Variants in SHTN1 observed in about 807,000 individuals in gnomAD.
The protein encoded by SHTN1 is shootin-1.
A neutral mutation model predicts 83.1 loss-of-function variants in SHTN1; 42 were observed. The observed-to-expected ratio is 0.51, with a 90% CI of 0.39 to 0.65. SHTN1 has a LOEUF of 0.65. SHTN1 is among the 30% of genes least tolerant of loss of function. SHTN1 has a pLI of 0.00. For synonymous variants in SHTN1, 224 were observed against 247.7 expected (o/e 0.90, Z 0.90); for missense variants, 622 against 737.8 (o/e 0.84, Z 1.82).
intron 2 of SHTN1, among the ~76,000 whole-genome samples, chr10:117,013,084 AT>A (rs890232068): frequency 2.0e-5 from 3 of 152,074 alleles, no homozygotes; most frequent in African/African-American, 7.2e-5. Context: ...AACTATATAA[AT>A]TTTTTTAAAA....
At chr10:116,984,486 T>C (rs188651851) in intron 1 of SHTN1, among the ~76,000 whole-genome samples, 46 of 152,246 alleles carry the variant, frequency 3.0e-4, no homozygotes, top group African/African-American at 1.0e-3. Context: ...AGCTCATCAA[T>C]TTCCCTTCCC....
At chr10:117,083,798 T>C (rs901225367) in intron 1 of SHTN1, among the ~76,000 whole-genome samples, 4 of 152,206 alleles carry the variant, frequency 2.6e-5, no homozygotes, top group Non-Finnish European at 2.9e-5. Flanking sequence ...ATTCATTTCA[T>C]CTTCCATTGC....
At chr10:116,928,449 T>G (rs2133376165) in intron 10 of SHTN1, among the ~76,000 whole-genome samples, 1 of 152,338 alleles carries the variant, frequency 6.6e-6, no homozygotes, top group South Asian at 2.1e-4. Context: ...ATCGTATTCC[T>G]TCAAGTCTTT....
At chr10:116,927,476 G>A (rs1000974342) in intron 11 of SHTN1, among the ~76,000 whole-genome samples, 5 of 152,276 alleles carry the variant, frequency 3.3e-5, no homozygotes, top group East Asian at 1.9e-4. Context: ...CATGGCAGCA[G>A]GGAAGAGAGA....
intron 1 of SHTN1, among the ~76,000 whole-genome samples, chr10:117,072,245 T>C (rs765543245): frequency 6.6e-6 from 1 of 152,206 alleles, no homozygotes; most frequent in Non-Finnish European, 1.5e-5. Flanking sequence ...GGACTGGCTT[T>C]CCTTGCTCCT....
intron 1 of SHTN1, 106 bp from the exon 2 acceptor site, chr10:116,979,414 G>A: frequency 1.2e-6 from 1 of 849,382 alleles, no homozygotes; most frequent in Non-Finnish European, 1.9e-6. Context: ...GGTTGAGGTA[G>A]GGTGGAGAAG....
chr10:116,989,253 T>C (rs7904342), intron 1 of SHTN1, among the ~76,000 whole-genome samples: 145,975 of 152,222 alleles, frequency 0.96, 70,294 homozygotes, highest in Non-Finnish European at 1. Flanking sequence ...ATTAATGGAC[T>C]AATATTGATA....
At chr10:116,995,896 G>A (rs146917829) in intron 1 of SHTN1, among the ~76,000 whole-genome samples, 2 of 152,254 alleles carry the variant, frequency 1.3e-5, no homozygotes, top group African/African-American at 4.8e-5. Flanking sequence ...ATCTAGGGAA[G>A]AGAGCTATCT....
intron 3 of SHTN1, among the ~76,000 whole-genome samples, chr10:116,963,470 G>C (rs1359692107): frequency 6.6e-6 from 1 of 152,032 alleles, no homozygotes; most frequent in Non-Finnish European, 1.5e-5. Context: ...CATGGCCACT[G>C]TACTTGTCAT....
intron 11 of SHTN1, among the ~76,000 whole-genome samples, chr10:116,925,728 G>A (rs2133371839): frequency 6.6e-6 from 1 of 152,232 alleles, no homozygotes; most frequent in East Asian, 1.9e-4. Context: ...CACTACCACT[G>A]GGACAAAGTG....
chr10:117,017,962 A>G (rs1490308184), intron 2 of SHTN1, among the ~76,000 whole-genome samples: 3 of 152,228 alleles, frequency 2.0e-5, no homozygotes, highest in African/African-American at 7.2e-5. Context: ...AACTTGATGG[A>G]CATTTTACAA....
chr10:116,898,701 G>A (rs1004731975), intron 16 of SHTN1, among the ~76,000 whole-genome samples: 5 of 151,976 alleles, frequency 3.3e-5, no homozygotes, highest in Non-Finnish European at 5.9e-5. Flanking sequence ...GCTTTCCCAA[G>A]CCCTGATTAT....
chr10:117,010,536 T>A (rs992802370), upstream of SHTN1, among the ~76,000 whole-genome samples: 1 of 152,138 alleles, frequency 6.6e-6, no homozygotes, highest in East Asian at 1.9e-4. Flanking sequence ...CTCAAACTTT[T>A]CTAAAACACA....
chr10:117,029,880 G>GTC (rs199787591), intron 2 of SHTN1, among the ~76,000 whole-genome samples: 2 of 135,436 alleles, frequency 1.5e-5, no homozygotes, highest in African/African-American at 2.8e-5. Flanking sequence ...CTCTCTCTCT[G>GTC]TCTCTCTCTC....
intron 1 of SHTN1, among the ~76,000 whole-genome samples, chr10:117,097,845 T>A (rs1387057081): frequency 2.0e-5 from 3 of 152,184 alleles, no homozygotes; most frequent in Non-Finnish European, 4.4e-5. Flanking sequence ...ACAAAATCTC[T>A]GTTTTACCTC....
At chr10:117,026,537 C>A (rs771996007) in intron 2 of SHTN1, among the ~76,000 whole-genome samples, 1 of 152,130 alleles carries the variant, frequency 6.6e-6, no homozygotes, top group South Asian at 2.1e-4. Context: ...ATTCTCCTGC[C>A]TCAGCCTCCC....
chr10:117,018,512 A>ATTT (rs1479234502), intron 2 of SHTN1, among the ~76,000 whole-genome samples: 1 of 149,660 alleles, frequency 6.7e-6, no homozygotes, highest in African/African-American at 2.5e-5. Context: ...TTTTTTAAAA[A>ATTT]AAAAAAAAAA....
intron 2 of SHTN1, among the ~76,000 whole-genome samples, chr10:117,016,102 TA>T (rs1270013077): frequency 6.6e-6 from 1 of 152,192 alleles, no homozygotes; most frequent in African/African-American, 2.4e-5. Context: ...ATAGCATTCT[TA>T]TACAGATTCA....
intron 8 of SHTN1, among the ~76,000 whole-genome samples, chr10:116,943,613 A>T (rs1185455618): frequency 6.6e-6 from 1 of 152,212 alleles, no homozygotes; most frequent in African/African-American, 2.4e-5. Flanking sequence ...AAATAAAACG[A>T]ATCATAATAT....
Sources: allele counts gnomAD v4.1 joint callset (sites outside exome capture counted in the v4.1 genomes callset), GRCh38; gene constraint gnomAD v4.1.1; transcripts MANE v1.5; gene names NCBI Gene and HGNC (gene_info 2026-07-23, HGNC 2026-07-21).